The following NEGR1 variants were observed in gnomAD, a reference collection of about 807,000 sequenced individuals.
The protein encoded by NEGR1 is IgLON family member 4.
Under a neutral mutation model 40.9 loss-of-function variants are expected in NEGR1, and 10 were observed. That is an observed-to-expected ratio of 0.24 (90% confidence interval 0.15 to 0.42). The LOEUF (loss-of-function observed/expected upper bound fraction) is 0.42. Among genes scored for constraint, NEGR1 ranks in the 10% least tolerant of loss-of-function variants. The pLI is 1.00. For synonymous variants in NEGR1, 185 were observed against 166.8 expected, an observed-to-expected ratio of 1.11 and a Z score of -0.84; for missense variants, 352 against 438.9, an observed-to-expected ratio of 0.80 and a Z score of 1.77.
chr1:72,126,291 C>A (rs1285551766), intron 1 of NEGR1, among the ~76,000 whole-genome samples: 2 of 151,988 alleles, frequency 1.3e-5, no homozygotes, highest in African/African-American at 4.8e-5. Flanking sequence ...ACTACAATTA[C>A]AAAACAAAAT....
intron 1 of NEGR1, among the ~76,000 whole-genome samples, chr1:72,018,775 G>A (rs1211475183): frequency 6.6e-6 from 1 of 152,152 alleles, no homozygotes; most frequent in African/African-American, 2.4e-5. Context: ...AGGAGGGGAG[G>A]AGAAGGAGGA....
At chr1:72,226,678 T>C (rs1250271469) in intron 1 of NEGR1, among the ~76,000 whole-genome samples, 1 of 152,036 alleles carries the variant, frequency 6.6e-6, no homozygotes, top group Non-Finnish European at 1.5e-5. Flanking sequence ...ATTCCCAGTA[T>C]GTTCCTCAAA....
chr1:71,661,540 T>C (rs1461366933), intron 4 of NEGR1, among the ~76,000 whole-genome samples: 1 of 152,232 alleles, frequency 6.6e-6, no homozygotes, highest in African/African-American at 2.4e-5. Context: ...TACAATTTAC[T>C]GGCTTTCTAC....
chr1:72,045,542 G>T (rs561651045), intron 1 of NEGR1, among the ~76,000 whole-genome samples: 4 of 151,820 alleles, frequency 2.6e-5, no homozygotes, highest in African/African-American at 9.6e-5. Context: ...TTAAAAATGA[G>T]AGTTTCCCTG....
rs571785801 is a variant in NEGR1 at position 72,249,595 on chromosome 1, G to A, written c.176+32724C>T. 1.1e-4 allele frequency among the ~76,000 whole-genome samples: 17 copies of A among 152,222 alleles called. No homozygotes were observed. In the South Asian group the frequency reaches 2.9e-3, roughly 26 times the overall value. On this transcript the variant is annotated intron_variant, in intron 1 of 6. Transcript: ENST00000357731. ...AGGCAAGATAAGAAACAAAGCAAGT[G>A]ACAATTAAATACTTATCCATGTGGC... is the stretch of plus-strand genomic sequence containing the variant.
intron 6 of NEGR1, among the ~76,000 whole-genome samples, chr1:71,545,937 T>C (rs1000206050): frequency 6.6e-6 from 1 of 151,712 alleles, no homozygotes; most frequent in Non-Finnish European, 1.5e-5. Context: ...ATATATGATA[T>C]CCATGATGTA....
At chr1:72,084,336 C>T (rs1445347693) in intron 1 of NEGR1, among the ~76,000 whole-genome samples, 1 of 152,150 alleles carries the variant, frequency 6.6e-6, no homozygotes, top group African/African-American at 2.4e-5. Flanking sequence ...CTCCACTTAT[C>T]AGCATGGCTC....
At chr1:71,908,705 T>C (rs916068457) in intron 2 of NEGR1, among the ~76,000 whole-genome samples, 1 of 152,208 alleles carries the variant, frequency 6.6e-6, no homozygotes, top group Non-Finnish European at 1.5e-5. Flanking sequence ...GACCATTGAT[T>C]GCTAAATCCT....
chr1:71,556,630 TACACAC>T (rs71965942), intron 6 of NEGR1, among the ~76,000 whole-genome samples: 5 of 147,638 alleles, frequency 3.4e-5, no homozygotes, highest in East Asian at 4.0e-4. Context: ...ATTTTGTAAT[TACACAC>T]ACACACACAC....
At chr1:71,845,248 CAG>C (rs1659366689) in intron 2 of NEGR1, among the ~76,000 whole-genome samples, 1 of 151,772 alleles carries the variant, frequency 6.6e-6, no homozygotes, top group Non-Finnish European at 1.5e-5. Context: ...TATATCTACA[CAG>C]AATATATTTC....
intron 1 of NEGR1, among the ~76,000 whole-genome samples, chr1:72,133,381 T>C (rs1490757950): frequency 6.6e-6 from 1 of 152,074 alleles, no homozygotes; most frequent in Non-Finnish European, 1.5e-5. Context: ...GGGAAATATG[T>C]GTTTTCTGTA....
At chr1:71,622,314 G>A (rs1457182717) in intron 4 of NEGR1, among the ~76,000 whole-genome samples, 1 of 151,768 alleles carries the variant, frequency 6.6e-6, no homozygotes, top group Non-Finnish European at 1.5e-5. Flanking sequence ...GTAAAAGTTG[G>A]GATTCTCTGA....
chr1:72,267,217 A>C (rs530979171), intron 1 of NEGR1, among the ~76,000 whole-genome samples: 18 of 151,272 alleles, frequency 1.2e-4, no homozygotes, highest in Non-Finnish European at 2.5e-4. Flanking sequence ...TTTTTAAAAT[A>C]ATTCATAGAA....
chr1:72,068,807 G>T (rs944072880), intron 1 of NEGR1, among the ~76,000 whole-genome samples: 3 of 151,994 alleles, frequency 2.0e-5, no homozygotes, highest in Non-Finnish European at 4.4e-5. Flanking sequence ...TGCCAGTTTG[G>T]AATTATTCTT....
chr1:72,175,189 G>T, intron 1 of NEGR1, among the ~76,000 whole-genome samples: 1 of 151,204 alleles, frequency 6.6e-6, no homozygotes, highest in East Asian at 1.9e-4. Context: ...AAATTATCTT[G>T]CAAATTATAA....
At chr1:72,185,752 T>C (rs1046367519) in intron 1 of NEGR1, among the ~76,000 whole-genome samples, 1 of 151,854 alleles carries the variant, frequency 6.6e-6, no homozygotes, top group African/African-American at 2.4e-5. Flanking sequence ...AGTTACTGTT[T>C]GGATGTTTAA....
intron 3 of NEGR1, among the ~76,000 whole-genome samples, chr1:71,698,383 A>G (rs541141418): frequency 1.4e-4 from 22 of 151,934 alleles, no homozygotes; most frequent in Non-Finnish European, 2.2e-4. Flanking sequence ...TTTTTAATTG[A>G]TTGTGGTCTC....
At chr1:71,455,257 ATTATT>A (rs1646664176) in intron 6 of NEGR1, among the ~76,000 whole-genome samples, 1 of 152,198 alleles carries the variant, frequency 6.6e-6, no homozygotes, top group African/African-American at 2.4e-5. Context: ...AGCCTAATAT[ATTATT>A]CGGTACATAA....
intron 3 of NEGR1, among the ~76,000 whole-genome samples, chr1:71,735,820 G>T (rs537388175): frequency 2.6e-5 from 4 of 152,094 alleles, no homozygotes; most frequent in African/African-American, 9.6e-5. Flanking sequence ...AACTGAAGGT[G>T]AGGCATCTGA....
Sources: allele counts gnomAD v4.1 joint callset (sites outside exome capture counted in the v4.1 genomes callset), GRCh38; gene constraint gnomAD v4.1.1; transcripts MANE v1.5; gene names NCBI Gene and HGNC (gene_info 2026-07-23, HGNC 2026-07-21).